The following MYOM2 variants were observed in gnomAD, a reference collection of about 807,000 sequenced individuals.
MYOM2 encodes myomesin 2, also known as myomesin-2.
MYOM2 carries 254 observed loss-of-function variants against 187.6 expected under a neutral mutation model. The ratio of observed to expected loss-of-function variants is 1.35; its 90% CI spans 1.22 to 1.50. The LOEUF is 1.50. Ranked by LOEUF, MYOM2 falls within the 40% of genes most tolerant of loss-of-function variation. The pLI, the probability that MYOM2 is intolerant of heterozygous loss-of-function variation, is 0.00. For synonymous variants in MYOM2, 981 were observed against 753.8 expected (o/e 1.30, Z -4.94); for missense variants, 2,796 against 1,924.0 (o/e 1.45, Z -8.48).
intron 11 of MYOM2, among the ~76,000 whole-genome samples, chr8:2,076,817 C>G (rs1405520715): frequency 6.6e-6 from 1 of 152,198 alleles, no homozygotes; most frequent in East Asian, 1.9e-4. Flanking sequence ...TGATAACTTA[C>G]ATTTAGGTCA....
chr8:2,145,017 T>C lies in MYOM2; in HGVS notation c.*36T>C. 1 of 1,607,196 alleles carries C rather than the reference T, an allele frequency of 6.2e-7. No individual in the cohort carries two copies. On this transcript the variant is annotated 3_prime_UTR_variant, in exon 37 of 37. Coordinates refer to ENST00000262113, the MANE Select transcript of MYOM2 (RefSeq NM_003970.4). ...CTAGCCTGGAGATGGGAAAATATGC[T>C]TGGCAGAGACAGGAATGCTGTGTGC...
At chr8:2,072,727 C>T (rs1056806606) in intron 9 of MYOM2, among the ~76,000 whole-genome samples, 15 of 152,314 alleles carry the variant, frequency 9.8e-5, no homozygotes, top group East Asian at 3.9e-4. Flanking sequence ...CCTAGAGCAG[C>T]CACTTAGAGA....
rs764906986 is a variant in MYOM2, at chr8:2,116,266, A to G, written c.3376A>G (p.Arg1126Gly). 1.9e-6 allele frequency: 3 copies of G among 1,612,952 alleles called. No homozygotes were observed. The highest frequency in any genetic ancestry group is 2.5e-6 in the Non-Finnish European group (3 of 1,179,402). Residue 1126 changes from arginine to glycine, a missense_variant, in exon 27 of 37, where the codon AGG (arginine) becomes GGG (glycine). Physicochemically the swap from Arg to Gly is moderately radical, Grantham distance 125. Coordinates refer to ENST00000262113, the MANE Select transcript of MYOM2 (RefSeq NM_003970.4). The stretch of plus-strand genomic sequence containing the variant: ...TGAGTTTCAAAGGAAAGAATTTCTC[A>G]GGAAACAAGGTGAGTTTCCTCACTC... ...EAEFQRKEFLRKQGPHFAEYL... is the reference protein window; with the variant it reads ...EAEFQRKEFLGKQGPHFAEYL...
chr8:2,113,591 G>A (rs895363453), intron 25 of MYOM2, among the ~76,000 whole-genome samples: 2 of 152,168 alleles, frequency 1.3e-5, no homozygotes, highest in East Asian at 3.9e-4. Context: ...AGGAAGGACC[G>A]ACTGGGACAG....
chr8:2,098,369 G>T (rs1796567148), intron 18 of MYOM2, among the ~76,000 whole-genome samples: 1 of 152,118 alleles, frequency 6.6e-6, no homozygotes, highest in Admixed American at 6.5e-5. Flanking sequence ...CAGGGACATG[G>T]GCAGCCCGGG....
intron 6 of MYOM2, among the ~76,000 whole-genome samples, chr8:2,065,061 T>C (rs947292794): frequency 6.6e-6 from 1 of 152,252 alleles, no homozygotes; most frequent in Non-Finnish European, 1.5e-5. Context: ...AAGATTAACA[T>C]TATATGATAA....
chr8:2,069,389 C>A (rs780840990), intron 7 of MYOM2, 23 bp downstream of exon 7: 1 of 1,613,852 alleles, frequency 6.2e-7, no homozygotes, highest in Admixed American at 1.7e-5. Context: ...TGGGCTTTCA[C>A]GGGGCACCTC....
intron 27 of MYOM2, among the ~76,000 whole-genome samples, chr8:2,116,880 C>G (rs563813600): frequency 6.6e-6 from 1 of 152,116 alleles, no homozygotes; most frequent in African/African-American, 2.4e-5. Flanking sequence ...GCCTCAGCCT[C>G]CCGAATAGCT....
Position 2,059,076 on chromosome 8 carries a change from G to A in MYOM2, c.561-77G>A, listed in dbSNP as rs1360377873. On this transcript the variant is annotated intron_variant, in intron 5 of 36. Transcript: ENST00000262113. ...ACCTGCAGAAATGGGCAGCAGGCGCGGGGGAGCTGGGGCAGAATTGCACAC... is the reference window on the plus strand; with the variant it reads ...ACCTGCAGAAATGGGCAGCAGGCGCAGGGGAGCTGGGGCAGAATTGCACAC... 3.6e-5 allele frequency: 45 copies of A among 1,237,104 alleles called. 1 individual carries two copies. The highest frequency in any genetic ancestry group is 1.8e-4 in the Admixed American group (10 of 55,732). The allele number at this position is 1,237,104 out of a possible 1,614,324, so 76.6% of individuals were successfully genotyped here. A position where few individuals can be genotyped will look rare whatever the true frequency, so the allele number is the denominator to read the frequency against.
chr8:2,060,632 C>T (rs1440960747), intron 6 of MYOM2, among the ~76,000 whole-genome samples: 1 of 152,178 alleles, frequency 6.6e-6, no homozygotes, highest in Non-Finnish European at 1.5e-5. Flanking sequence ...GGAAAAGGTG[C>T]CTGCTAATTC....
At chr8:2,124,537 T>C (rs998457177) in intron 31 of MYOM2, among the ~76,000 whole-genome samples, 4 of 152,232 alleles carry the variant, frequency 2.6e-5, no homozygotes, top group Non-Finnish European at 5.9e-5. Flanking sequence ...TTTACATATG[T>C]TGAATAGCCG....
chr8:2,141,296 G>A, intron 34 of MYOM2, 119 bp downstream of exon 34: 1 of 786,780 alleles, frequency 1.3e-6, no homozygotes. Flanking sequence ...GCCATTCCTG[G>A]GACAGAAGTG....
chr8:2,066,490 A>G (rs1819024289), intron 6 of MYOM2, among the ~76,000 whole-genome samples: 1 of 152,220 alleles, frequency 6.6e-6, no homozygotes, highest in Non-Finnish European at 1.5e-5. Flanking sequence ...GATGAATCCC[A>G]AAAGAAGAAT....
intron 27 of MYOM2, 77 bp downstream of exon 27, chr8:2,116,352 A>T: frequency 7.2e-7 from 1 of 1,384,754 alleles, no homozygotes; most frequent in Non-Finnish European, 1.0e-6. Flanking sequence ...TCAGAAGCAG[A>T]TCTTGCATGA....
Position 2,144,692 on chromosome 8 carries a change from G to C in MYOM2, c.4109G>C (p.Gly1370Ala), listed in dbSNP as rs1013214870. The change falls in exon 37 of 37, where the codon GGA becomes GCA. Residue 1370 changes from glycine (G) to alanine (A), a missense_variant. Coordinates refer to ENST00000262113, the MANE Select transcript of MYOM2 (RefSeq NM_003970.4). ...TTGAATCTGACCTGCACGGTGTTTG[G>C]AAACCCTGACCCCGAAGTGATTTGG... ...KTLNLTCTVFGNPDPEVIWFK... is the reference protein window; with the variant it reads ...KTLNLTCTVFANPDPEVIWFK... 11 of 1,613,646 alleles carry C rather than the reference G, an allele frequency of 6.8e-6. No individual in the cohort carries two copies. Among genetic ancestry groups the C allele is most frequent in the Admixed American group, 3.3e-5 (2 of 59,932 alleles).
intron 20 of MYOM2, 120 bp downstream of exon 20, chr8:2,101,174 C>T (rs770130486): frequency 4.6e-5 from 44 of 966,446 alleles, no homozygotes; most frequent in African/African-American, 1.5e-4. Flanking sequence ...GGAGAAGCCC[C>T]GTCTCTACTA....
rs1431581837 is a variant in MYOM2, at chr8:2,096,329, C to T, written c.2208C>T (p.Phe736=). 1 of 1,614,234 alleles carries T rather than the reference C, an allele frequency of 6.2e-7. No homozygotes were observed. Among genetic ancestry groups the T allele is most frequent in the South Asian group, 1.1e-5 (1 of 91,086 alleles). The change falls in exon 18 of 37, where the codon TTC becomes TTT. Residue 736 remains phenylalanine (F), a synonymous_variant. Coordinates refer to ENST00000262113, the MANE Select transcript of MYOM2 (RefSeq NM_003970.4). ...SMTLGWKVPK[F]SGGSPILGYY... ...CCCTCGGCTGGAAGGTCCCGAAATT[C>T]AGTGGTGGCTCGCCCATCCTGGGCT...
intron 6 of MYOM2, among the ~76,000 whole-genome samples, chr8:2,068,339 G>A (rs548231360): frequency 1.1e-3 from 165 of 150,708 alleles, no homozygotes; most frequent in Admixed American, 3.4e-3. Flanking sequence ...AGCATCCCGG[G>A]GGCAGCTCTT....
chr8:2,144,855 TG>T lies in MYOM2; in HGVS notation c.4274del (p.Gly1425AlafsTer7), dbSNP rs1285976700. ...KYSINIKNKY[G>X]GEKIDVTVSV... Reference sequence around the variant, plus strand: ...ACAGCATCAACATCAAGAATAAGTATGGCGGGGAGAAGATCGACGTGACAGT... The same window carrying T: ...ACAGCATCAACATCAAGAATAAGTATGCGGGGAGAAGATCGACGTGACAGT... On this transcript the variant is annotated frameshift_variant, in exon 37 of 37. Transcript: ENST00000262113. LOFTEE classifies it low-confidence loss of function (END_TRUNC). 6.2e-7 allele frequency: 1 copy of T among 1,614,072 alleles called. No individual in the cohort carries two copies. The highest frequency in any genetic ancestry group is 1.7e-5 in the Admixed American group (1 of 60,014).
Sources: allele counts gnomAD v4.1 joint callset (sites outside exome capture counted in the v4.1 genomes callset), GRCh38; gene constraint gnomAD v4.1.1; transcripts MANE v1.5; gene names NCBI Gene and HGNC (gene_info 2026-07-23, HGNC 2026-07-21).